The following SLBP variants were observed in gnomAD, a reference collection of about 807,000 sequenced individuals.
The protein encoded by SLBP is histone RNA hairpin-binding protein.
Under a neutral mutation model 39.2 loss-of-function variants are expected in SLBP, and 29 were observed. That is an observed-to-expected ratio of 0.74 (90% CI 0.55 to 1.01). SLBP has a LOEUF of 1.01. SLBP is among the 50% of genes least tolerant of loss of function. The pLI is 0.00. For missense variants in SLBP, 390 were observed against 350.2 expected (o/e 1.11, Z -0.91); for synonymous variants, 129 against 118.7 (o/e 1.09, Z -0.57).
Position 1,693,591 on chromosome 4 carries a change from G to C in SLBP, c.*6C>G, listed in dbSNP as rs1210424693. 6.4e-7 allele frequency: 1 copy of C among 1,572,748 alleles called. No homozygotes were observed. ...GCTGTTTCTCTTCCTGGCCGCCAGG[G>C]GGCAGTTAGCTCATGGCTGAGAAGT... On this transcript the variant is annotated 3_prime_UTR_variant, in exon 8 of 8. Transcript: ENST00000489418.
At chr4:1,694,497 T>C (rs1716034163) in intron 7 of SLBP, among the ~76,000 whole-genome samples, 1 of 152,042 alleles carries the variant, frequency 6.6e-6, no homozygotes, top group East Asian at 1.9e-4. Flanking sequence ...GTTCAAGCTA[T>C]TCTCCCACCT....
chr4:1,700,347 T>C lies in SLBP; in HGVS notation c.282-277A>G, dbSNP rs1467399242. Among the ~76,000 whole-genome samples, 4 of 152,202 alleles carry C rather than the reference T, an allele frequency of 2.6e-5. No homozygotes were observed. In the East Asian group the frequency reaches 7.7e-4, roughly 29 times the overall value. On this transcript the variant is annotated intron_variant, in intron 3 of 7. Transcript: ENST00000489418. ...ACACCAAACTTACTAATGGGACTCA[T>C]ATGCCTACTGGGCACTGCATACCTT... is the stretch of plus-strand genomic sequence containing the variant.
intron 2 of SLBP, among the ~76,000 whole-genome samples, chr4:1,711,053 A>T (rs1462887201): frequency 4.1e-5 from 2 of 49,050 alleles, no homozygotes; most frequent in East Asian, 4.0e-3. Context: ...CCTGTCTTTA[A>T]AAAAAAAAAA....
chr4:1,701,345 C>G (rs1362485312), intron 3 of SLBP, among the ~76,000 whole-genome samples: 1 of 151,920 alleles, frequency 6.6e-6, no homozygotes, highest in Non-Finnish European at 1.5e-5. Flanking sequence ...CGGGGTTTCT[C>G]CATGTTCGTC....
chr4:1,703,461 A>C, intron 3 of SLBP, 135 bp downstream of exon 3: 1 of 647,964 alleles, frequency 1.5e-6, no homozygotes, highest in Non-Finnish European at 2.8e-6. Flanking sequence ...ATTTCTAACA[A>C]GTTCCCAGGA....
At chr4:1,711,036 G>C (rs1264414736) in intron 2 of SLBP, among the ~76,000 whole-genome samples, 1 of 140,612 alleles carries the variant, frequency 7.1e-6, no homozygotes, top group Non-Finnish European at 1.5e-5. Context: ...GTGAGACAGA[G>C]TGAGACCCTG....
chr4:1,694,151 C>T (rs1716019420), intron 7 of SLBP, among the ~76,000 whole-genome samples: 1 of 152,212 alleles, frequency 6.6e-6, no homozygotes, highest in African/African-American at 2.4e-5. Context: ...GGTACAATTT[C>T]GGCTCATTGC....
At chr4:1,695,877 A>G (rs980026492) in intron 6 of SLBP, among the ~76,000 whole-genome samples, 1 of 152,198 alleles carries the variant, frequency 6.6e-6, no homozygotes, top group Non-Finnish European at 1.5e-5. Flanking sequence ...TAGGATATTT[A>G]TATTTAAAAA....
chr4:1,699,221 T>A (rs540702057), intron 5 of SLBP, among the ~76,000 whole-genome samples: 1 of 152,228 alleles, frequency 6.6e-6, no homozygotes, highest in South Asian at 2.1e-4. Context: ...CAATGCCAAT[T>A]TTTTTTTCTC....
At chr4:1,693,760 A>T in intron 7 of SLBP, 47 bp from the exon 8 acceptor site, 1 of 1,283,424 alleles carries the variant, frequency 7.8e-7, no homozygotes, top group Non-Finnish European at 1.1e-6. Context: ...TCACCCTGAA[A>T]ACAGGGGCCC....
intron 1 of SLBP, 57 bp downstream of exon 1, chr4:1,712,073 A>G (rs1716801655): frequency 1.5e-5 from 18 of 1,233,776 alleles, no homozygotes; most frequent in Non-Finnish European, 1.5e-5. Flanking sequence ...CCGGCCCCGC[A>G]CAACCCCCGC....
chr4:1,707,399 G>A lies in SLBP; in HGVS notation c.177-3699C>T, dbSNP rs190365112. Among the ~76,000 whole-genome samples, 390 of 150,872 alleles carry A rather than the reference G, an allele frequency of 2.6e-3. 7 individuals carry two copies. Among genetic ancestry groups the A allele is most frequent in the African/African-American group, 8.6e-3 (355 of 41,200 alleles). The stretch of plus-strand genomic sequence containing the variant: ...TGGGTGCCTATAATCCCAGCTACTC[G>A]GGAGGCTAAGGCAGGAGAATCACTT... On this transcript the variant is annotated intron_variant, in intron 2 of 7. Coordinates refer to ENST00000489418, the MANE Select transcript of SLBP (RefSeq NM_006527.4).
At chr4:1,709,805 T>G (rs1401974984) in intron 2 of SLBP, among the ~76,000 whole-genome samples, 1 of 151,928 alleles carries the variant, frequency 6.6e-6, no homozygotes, top group African/African-American at 2.4e-5. Flanking sequence ...TAGAGACGGG[T>G]TTTCACCGTG....
intron 2 of SLBP, among the ~76,000 whole-genome samples, chr4:1,708,940 T>C (rs74443617): frequency 0.029 from 4,433 of 152,328 alleles, 214 homozygotes; most frequent in African/African-American, 0.097. Flanking sequence ...GGATTTAATA[T>C]TTTTATCTTC....
In SLBP at chr4:1,692,810, T is replaced by C. The variant is rs1715966287; in HGVS notation, c.*787A>G. 2 of 152,648 alleles carry C rather than the reference T, an allele frequency of 1.3e-5. 1 individual carries two copies. Among genetic ancestry groups the C allele is most frequent in the South Asian group, 4.1e-4 (2 of 4,830 alleles). The allele number at this position is 152,648 out of a possible 1,614,324, so 9.5% of individuals were successfully genotyped here. A position where few individuals can be genotyped will look rare whatever the true frequency, so the allele number is the denominator to read the frequency against. On this transcript the variant is annotated 3_prime_UTR_variant, in exon 8 of 8. Transcript: ENST00000489418. ...CCCCAGTCAGTGAAAGAGGGTTCTTTCCTTTTTATTTTTGCAATATCCCAT... is the reference window on the plus strand; with the variant it reads ...CCCCAGTCAGTGAAAGAGGGTTCTTCCCTTTTTATTTTTGCAATATCCCAT...
intron 5 of SLBP, among the ~76,000 whole-genome samples, chr4:1,697,452 A>G (rs1716153454): frequency 1.3e-5 from 2 of 151,806 alleles, no homozygotes; most frequent in African/African-American, 4.8e-5. Context: ...CTGGTGACAG[A>G]GGGAGACTCC....
intron 1 of SLBP, 37 bp from the exon 2 acceptor site, chr4:1,712,027 T>A (rs746484694): frequency 1.6e-6 from 2 of 1,258,728 alleles, no homozygotes; most frequent in Admixed American, 4.2e-5. Context: ...GCACGGGAGG[T>A]TCGGGACCGC....
At chr4:1,694,130 T>C (rs1716018801) in intron 7 of SLBP, among the ~76,000 whole-genome samples, 1 of 152,234 alleles carries the variant, frequency 6.6e-6, no homozygotes, top group African/African-American at 2.4e-5. Flanking sequence ...TCACACAGGG[T>C]GGAGGGCAGT....
intron 2 of SLBP, among the ~76,000 whole-genome samples, chr4:1,708,157 CAGG>C (rs1268369759): frequency 6.6e-6 from 1 of 151,214 alleles, no homozygotes; most frequent in Non-Finnish European, 1.5e-5. Context: ...GAGGCTGAAG[CAGG>C]AGAACTGCTT....
Sources: gnomAD v4.1 joint callset for allele counts (sites outside exome capture counted in the v4.1 genomes callset) on GRCh38, gnomAD v4.1.1 for gene constraint, MANE v1.5 for transcripts, NCBI Gene and HGNC (gene_info 2026-07-23, HGNC 2026-07-21) for gene names.